Variants in C3orf22 observed in about 807,000 individuals in gnomAD.
C3orf22 encodes uncharacterized protein C3orf22.
In C3orf22, 7 loss-of-function variants were observed where a neutral mutation model predicts 10.8. That is an observed-to-expected ratio of 0.65 (90% CI 0.37 to 1.22). C3orf22 has a LOEUF of 1.22. C3orf22 is among the 50% of genes most tolerant of loss of function. The pLI is 0.02. For missense variants in C3orf22, 173 were observed against 177.0 expected, an observed-to-expected ratio of 0.98 and a Z score of 0.13; for synonymous variants, 79 against 78.9, an observed-to-expected ratio of 1.00 and a Z score of 0.00.
intron 1 of C3orf22, among the ~76,000 whole-genome samples, chr3:126,553,845 CCCT>C (rs1229809691): frequency 6.6e-6 from 1 of 151,940 alleles, no homozygotes; most frequent in Non-Finnish European, 1.5e-5. Flanking sequence ...CACAGTCTGT[CCCT>C]CCTGCTGCTG....
intron 4 of C3orf22, chr3:126,536,264 C>T (rs775837447): frequency 6.2e-7 from 1 of 1,613,074 alleles, no homozygotes; most frequent in East Asian, 2.2e-5. Flanking sequence ...TCTCCTTATG[C>T]CCACAGCATT....
At chr3:126,537,939 C>T (rs945646281) in intron 4 of C3orf22, among the ~76,000 whole-genome samples, 3 of 152,186 alleles carry the variant, frequency 2.0e-5, no homozygotes, top group Non-Finnish European at 4.4e-5. Flanking sequence ...AGCAAGGAAT[C>T]CAGGCAGCCA....
intron 1 of C3orf22, among the ~76,000 whole-genome samples, chr3:126,557,349 T>C (rs1016374035): frequency 2.6e-5 from 4 of 152,206 alleles, no homozygotes; most frequent in Admixed American, 6.5e-5. Context: ...ACACCTGGCA[T>C]GATTCAAAAT....
intron 1 of C3orf22, among the ~76,000 whole-genome samples, chr3:126,553,949 T>C (rs1354769075): frequency 6.6e-6 from 1 of 152,234 alleles, no homozygotes. Flanking sequence ...TGTAAGTTTT[T>C]GCATGAAAAT....
In C3orf22 at chr3:126,553,252, G is replaced by A. The variant is rs200685453; in HGVS notation, c.89+50C>T. 16 of 1,326,440 alleles carry A rather than the reference G, an allele frequency of 1.2e-5. No individual in the cohort carries two copies. The African/African-American group carries it at 2.2e-4, about 18-fold the overall frequency. 82.2% of individuals were successfully genotyped at this position (1,326,440 alleles called of 1,614,324 possible). On this transcript the variant is annotated intron_variant, in intron 2 of 3. Transcript: ENST00000318225. ...GCATTTGAGTTCCCAGGATGCTGGG[G>A]TGACCTGGGGGAGGCAGGGCTTGTC...
exon 6 of C3orf22, chr3:126,527,220 G>A (rs1482244657): frequency 2.0e-5 from 3 of 152,340 alleles, no homozygotes; most frequent in African/African-American, 7.2e-5. Context: ...CCCTAGGCAG[G>A]CAAGGAAGCT....
intron 4 of C3orf22, among the ~76,000 whole-genome samples, chr3:126,540,525 C>T (rs1439712590): frequency 6.6e-6 from 1 of 152,218 alleles, no homozygotes; most frequent in Non-Finnish European, 1.5e-5. Context: ...CTTGGCATAA[C>T]GCCCTCCAGG....
chr3:126,539,581 C>T (rs953448334), intron 4 of C3orf22, among the ~76,000 whole-genome samples: 2 of 137,100 alleles, frequency 1.5e-5, no homozygotes, highest in African/African-American at 5.6e-5. Flanking sequence ...ACATATGTAC[C>T]CCACACCACA....
At chr3:126,543,791 G>C (rs1937023513) in intron 4 of C3orf22, among the ~76,000 whole-genome samples, 1 of 152,120 alleles carries the variant, frequency 6.6e-6, no homozygotes, top group African/African-American at 2.4e-5. Flanking sequence ...TGTGTCTTGG[G>C]CCACTTGTCT....
intron 5 of C3orf22, among the ~76,000 whole-genome samples, chr3:126,528,316 A>C (rs779007429): frequency 2.6e-5 from 4 of 152,146 alleles, no homozygotes; most frequent in Non-Finnish European, 5.9e-5. Context: ...GCAAGGTTGC[A>C]GGGGTTACAG....
intron 4 of C3orf22, among the ~76,000 whole-genome samples, chr3:126,531,637 C>T (rs1400249482): frequency 2.0e-5 from 3 of 152,170 alleles, no homozygotes; most frequent in Non-Finnish European, 4.4e-5. Context: ...GAAGCATGAG[C>T]CAATTCTTCA....
downstream of C3orf22, among the ~76,000 whole-genome samples, chr3:126,546,690 G>A (rs781472845): frequency 3.9e-5 from 6 of 152,098 alleles, no homozygotes; most frequent in Admixed American, 2.0e-4. Context: ...CCTTGGAACT[G>A]GGAGAAAATG....
downstream of C3orf22, among the ~76,000 whole-genome samples, chr3:126,547,736 G>A (rs1171707131): frequency 6.6e-6 from 1 of 152,106 alleles, no homozygotes; most frequent in Non-Finnish European, 1.5e-5. Context: ...AGGTGCTCAG[G>A]AGCCCTCCAA....
chr3:126,532,968 G>A (rs1026381040), intron 4 of C3orf22, among the ~76,000 whole-genome samples: 1 of 152,082 alleles, frequency 6.6e-6, no homozygotes, highest in African/African-American at 2.4e-5. Flanking sequence ...TCAGTGGACA[G>A]GTCTTATACT....
downstream of C3orf22, among the ~76,000 whole-genome samples, chr3:126,549,377 C>G (rs1417377114): frequency 3.3e-5 from 5 of 152,194 alleles, no homozygotes. Context: ...TCATTCAGAT[C>G]AGTCTATAAA....
rs1297911877 is a variant in C3orf22, at chr3:126,542,267, C to A, written c.286+7270G>T. ...CTACCTGCTGGACCCGCGCACGCGG[C>A]GTGAGGAGCCCTTCAACGAGCACTG... is the stretch of plus-strand genomic sequence containing the variant. On this transcript the variant is annotated intron_variant and NMD_transcript_variant, in intron 4 of 5. Coordinates refer to the C3orf22 transcript ENST00000505070. 6 of 1,557,298 alleles carry A rather than the reference C, an allele frequency of 3.9e-6. No individual in the cohort carries two copies. In the East Asian group the frequency reaches 9.9e-5, roughly 26 times the overall value.
intron 4 of C3orf22, among the ~76,000 whole-genome samples, chr3:126,531,780 C>T (rs978988191): frequency 1.3e-5 from 2 of 152,148 alleles, no homozygotes; most frequent in African/African-American, 4.8e-5. Context: ...CATTTGTGAA[C>T]AAGTTTTTGT....
chr3:126,547,910 G>C (rs2107577532), downstream of C3orf22, among the ~76,000 whole-genome samples: 1 of 152,368 alleles, frequency 6.6e-6, no homozygotes, highest in Admixed American at 6.5e-5. Context: ...ATGAGAAACA[G>C]TGGAAAATGA....
At chr3:126,557,448 C>T (rs576072197) in intron 1 of C3orf22, among the ~76,000 whole-genome samples, 80 of 152,186 alleles carry the variant, frequency 5.3e-4, no homozygotes, top group Non-Finnish European at 9.7e-4. Context: ...CCGGTGGGCT[C>T]GGGCAAGACT....
Sources: allele counts gnomAD v4.1 joint callset (sites outside exome capture counted in the v4.1 genomes callset), GRCh38; gene constraint gnomAD v4.1.1; transcripts MANE v1.5; gene names NCBI Gene and HGNC (gene_info 2026-07-23, HGNC 2026-07-21).